The following WDR41 variants were observed in gnomAD, a reference collection of about 807,000 sequenced individuals.
WDR41 encodes the protein WD repeat domain 41, also known as WD repeat-containing protein 41.
Under a neutral mutation model 69.3 loss-of-function variants are expected in WDR41, and 63 were observed. That is an observed-to-expected ratio of 0.91 (90% confidence interval 0.74 to 1.12). The LOEUF (loss-of-function observed/expected upper bound fraction) is 1.12, where lower values mean the gene tolerates loss of function less well. Among genes scored for constraint, WDR41 ranks in the 50% most tolerant of loss-of-function variants. The probability of loss-of-function intolerance (pLI) is 0.00; values close to 1 mark genes in which losing one functional copy is unlikely to be tolerated. For synonymous variants in WDR41, 185 were observed against 192.1 expected (o/e 0.96, Z 0.31); for missense variants, 543 against 534.5 (o/e 1.02, Z -0.16).
chr5:77,559,946 TC>T (rs1364384024), intron 1 of WDR41, among the ~76,000 whole-genome samples: 3 of 152,064 alleles, frequency 2.0e-5, no homozygotes, highest in Non-Finnish European at 4.4e-5. Flanking sequence ...CCAGTATCAT[TC>T]CCAATCTATC....
intron 1 of WDR41, among the ~76,000 whole-genome samples, chr5:77,586,043 CTAA>C (rs1195195472): frequency 1.4e-4 from 21 of 152,254 alleles, no homozygotes; most frequent in African/African-American, 5.1e-4. Context: ...ATAACTCTAT[CTAA>C]AACTTCATAA....
intron 4 of WDR41, among the ~76,000 whole-genome samples, chr5:77,460,601 AT>A (rs1389825941): frequency 6.6e-6 from 1 of 151,902 alleles, no homozygotes; most frequent in Admixed American, 6.6e-5. Context: ...AGTGTTTCTG[AT>A]TTTTTTTGGA....
intron 1 of WDR41, among the ~76,000 whole-genome samples, chr5:77,520,092 C>T (rs939791366): frequency 6.6e-6 from 1 of 152,024 alleles, no homozygotes; most frequent in Non-Finnish European, 1.5e-5. Flanking sequence ...GATGAGAATG[C>T]CACGATGATC....
At chr5:77,490,117 A>AC (rs11379082) in intron 1 of WDR41, among the ~76,000 whole-genome samples, 95,610 of 151,672 alleles carry the variant, frequency 0.63, 31,761 homozygotes, top group African/African-American at 0.84. Context: ...TTTTCGCACC[A>AC]CACGCCCAAC....
chr5:77,522,396 C>T (rs1802384590), intron 1 of WDR41, among the ~76,000 whole-genome samples: 6 of 152,152 alleles, frequency 3.9e-5, no homozygotes, highest in Admixed American at 2.6e-4. Flanking sequence ...AATCCCAGTA[C>T]TTTGGGAGGC....
intron 1 of WDR41, among the ~76,000 whole-genome samples, chr5:77,512,331 T>TGAGAGAGAGA (rs764631325): frequency 0.01 from 884 of 87,592 alleles, 18 homozygotes; most frequent in African/African-American, 0.029. Flanking sequence ...ATGGGGTGAG[T>TGAGAGAGAGA]GAGAGAGAGA....
At chr5:77,507,133 T>C (rs533715784) in intron 1 of WDR41, among the ~76,000 whole-genome samples, 2 of 152,310 alleles carry the variant, frequency 1.3e-5, no homozygotes, top group African/African-American at 2.4e-5. Context: ...AAATTAGTAA[T>C]GAGTAAACTG....
At chr5:77,533,935 T>C (rs1222061544) in intron 1 of WDR41, among the ~76,000 whole-genome samples, 1 of 152,166 alleles carries the variant, frequency 6.6e-6, no homozygotes, top group African/African-American at 2.4e-5. Context: ...TACAGAATTA[T>C]TTTGTGGAGT....
At chr5:77,596,649 C>T (rs1426659512) in intron 1 of WDR41, among the ~76,000 whole-genome samples, 9 of 152,092 alleles carry the variant, frequency 5.9e-5, no homozygotes, top group Non-Finnish European at 8.8e-5. Context: ...GGTACCACTA[C>T]ACCTGCCTTC....
rs979516706 is a variant in WDR41, at chr5:77,432,288, T to C, written c.*847A>G. On this transcript the variant is annotated 3_prime_UTR_variant, in exon 13 of 13. Coordinates refer to ENST00000296679, the MANE Select transcript of WDR41 (RefSeq NM_018268.4). ...TTTTTAGCACCAAAAGGAGAAAACA[T>C]ATTGTTACAAGGCTGGTTATAGTGT... The C allele has an allele frequency of 2.6e-5, 4 of 152,204 alleles. No homozygotes were observed. Among genetic ancestry groups the C allele is most frequent in the African/African-American group, 7.2e-5 (3 of 41,432 alleles). 9.4% of individuals were successfully genotyped at this position (152,204 alleles called of 1,614,324 possible). A position where few individuals can be genotyped will look rare whatever the true frequency, so the allele number is the denominator to read the frequency against.
Position 77,599,600 on chromosome 5 carries a change from G to A in WDR41, c.42+20879C>T, listed in dbSNP as rs557721556. On this transcript the variant is annotated intron_variant, in intron 1 of 5. Transcript: ENST00000509971. ...AAATGAGATTATTTAGTTAATAAAT[G>A]CTATATGATAGGTAAAATATTACAA... is the stretch of plus-strand genomic sequence containing the variant. 4.6e-5 allele frequency among the ~76,000 whole-genome samples: 7 copies of A among 152,262 alleles called. No homozygotes were observed. In the South Asian group the frequency reaches 1.0e-3, roughly 23 times the overall value.
chr5:77,443,876 CTT>C (rs746105630), intron 8 of WDR41, among the ~76,000 whole-genome samples: 282 of 105,010 alleles, frequency 2.7e-3, no homozygotes, highest in Middle Eastern at 0.011. Context: ...TCAATCAGCA[CTT>C]TTTTTTTTTT....
rs552979486 is a variant in WDR41 at position 77,445,989 on chromosome 5, TGTTTGCA to T, written c.697+3764_697+3770del. Among the ~76,000 whole-genome samples, 386 of 152,244 alleles carry T rather than the reference TGTTTGCA, an allele frequency of 2.5e-3. 3 individuals are homozygous for T. The highest frequency in any genetic ancestry group is 0.01 in the Middle Eastern group (3 of 294). On this transcript the variant is annotated intron_variant, in intron 8 of 12. Coordinates refer to ENST00000296679, the MANE Select transcript of WDR41 (RefSeq NM_018268.4). ...GGAAGAGAGGAAGTCAAATTGTCTCTGTTTGCAGATGACATGATTGTATATTTAGAAA... is the reference window on the plus strand; with the variant it reads ...GGAAGAGAGGAAGTCAAATTGTCTCTGATGACATGATTGTATATTTAGAAA...
intron 1 of WDR41, among the ~76,000 whole-genome samples, chr5:77,559,016 G>A (rs1743466600): frequency 6.6e-6 from 1 of 152,068 alleles, no homozygotes; most frequent in African/African-American, 2.4e-5. Flanking sequence ...CTTGTAAAAG[G>A]GTCTATGAAA....
chr5:77,515,219 A>T (rs574036810), intron 1 of WDR41, among the ~76,000 whole-genome samples: 4 of 152,094 alleles, frequency 2.6e-5, no homozygotes, highest in African/African-American at 9.7e-5. Context: ...TACTTATTCT[A>T]TGAGCCTTTT....
chr5:77,611,831 C>CA (rs1263022596), intron 1 of WDR41, among the ~76,000 whole-genome samples: 5 of 151,714 alleles, frequency 3.3e-5, no homozygotes, highest in South Asian at 4.2e-4. Flanking sequence ...AAAAACCCTT[C>CA]AAAAAATCAA....
chr5:77,595,940 T>G (rs553609113), intron 1 of WDR41, among the ~76,000 whole-genome samples: 1 of 152,180 alleles, frequency 6.6e-6, no homozygotes, highest in East Asian at 1.9e-4. Flanking sequence ...AGCAATATGA[T>G]GCTATTTTAT....
intron 1 of WDR41, among the ~76,000 whole-genome samples, chr5:77,565,323 C>A (rs953773492): frequency 6.6e-6 from 1 of 152,310 alleles, no homozygotes; most frequent in Middle Eastern, 3.4e-3. Context: ...CTGCCAGGCA[C>A]GTTAAGCTGA....
chr5:77,457,195 G>A (rs189775872), intron 5 of WDR41, among the ~76,000 whole-genome samples: 34 of 152,172 alleles, frequency 2.2e-4, no homozygotes, highest in African/African-American at 7.9e-4. Context: ...TTACTATGGT[G>A]TATTTCACTG....
Sources: allele counts gnomAD v4.1 joint callset (sites outside exome capture counted in the v4.1 genomes callset), GRCh38; gene constraint gnomAD v4.1.1; transcripts MANE v1.5; gene names NCBI Gene and HGNC (gene_info 2026-07-23, HGNC 2026-07-21).